Variants in SEC22A observed in about 807,000 individuals in gnomAD.
SEC22A encodes the protein vesicle-trafficking protein SEC22a.
In SEC22A, 22 loss-of-function variants were observed where a neutral mutation model predicts 35.3. The ratio of observed to expected loss-of-function variants is 0.62; its 90% CI spans 0.45 to 0.89. SEC22A has a LOEUF of 0.89. SEC22A is among the 40% of genes least tolerant of loss of function. The probability of loss-of-function intolerance (pLI) is 0.00; values close to 1 mark genes in which losing one functional copy is unlikely to be tolerated. For synonymous variants in SEC22A, 119 were observed against 129.5 expected (o/e 0.92, Z 0.55); for missense variants, 354 against 362.5 (o/e 0.98, Z 0.19).
At chr3:123,212,377 T>C (rs888340003) in intron 2 of SEC22A, among the ~76,000 whole-genome samples, 19 of 152,164 alleles carry the variant, frequency 1.2e-4, no homozygotes, top group South Asian at 2.1e-4. Context: ...ACTTGAAATA[T>C]TTCAATATTT....
At chr3:123,229,559 A>G (rs572265223) in intron 4 of SEC22A, among the ~76,000 whole-genome samples, 3 of 152,386 alleles carry the variant, frequency 2.0e-5, no homozygotes, top group South Asian at 2.1e-4. Context: ...AACACCTTAT[A>G]AGAAATAATA....
At chr3:123,266,774 T>C (rs1938037131) in intron 6 of SEC22A, among the ~76,000 whole-genome samples, 3 of 150,444 alleles carry the variant, frequency 2.0e-5, no homozygotes, top group Non-Finnish European at 1.5e-5. Flanking sequence ...GGGTGTGTTC[T>C]GTAAATGTTT....
chr3:123,231,700 G>A (rs1210176665), intron 4 of SEC22A, among the ~76,000 whole-genome samples: 3 of 152,126 alleles, frequency 2.0e-5, no homozygotes, highest in Non-Finnish European at 4.4e-5. Flanking sequence ...ATTTATCGCT[G>A]TAAATGCCTA....
At chr3:123,210,090 T>TG (rs1936915705) in intron 2 of SEC22A, among the ~76,000 whole-genome samples, 1 of 152,262 alleles carries the variant, frequency 6.6e-6, no homozygotes, top group Admixed American at 6.5e-5. Context: ...GTTTGGAGTC[T>TG]ATTAGTCTGT....
intron 4 of SEC22A, 129 bp from the exon 5 acceptor site, chr3:123,245,770 T>C (rs1937561081): frequency 1.6e-6 from 1 of 608,482 alleles, no homozygotes; most frequent in Non-Finnish European, 3.0e-6. Context: ...ATTGTGAATA[T>C]ATGGTGTTAA....
intron 3 of SEC22A, among the ~76,000 whole-genome samples, chr3:123,224,812 T>C (rs909244902): frequency 6.6e-6 from 1 of 152,146 alleles, no homozygotes. Context: ...TTCAAGACTT[T>C]GGTTTAAAGT....
intron 4 of SEC22A, among the ~76,000 whole-genome samples, chr3:123,231,863 A>G (rs564516410): frequency 7.9e-5 from 12 of 152,336 alleles, no homozygotes; most frequent in African/African-American, 2.9e-4. Context: ...CAGTAGAGAA[A>G]AATCAACAAA....
chr3:123,222,269 G>A (rs1292395698), intron 2 of SEC22A, among the ~76,000 whole-genome samples: 1 of 151,892 alleles, frequency 6.6e-6, no homozygotes, highest in African/African-American at 2.4e-5. Context: ...CGCAATCTCG[G>A]CTCTTTGCAA....
chr3:123,249,511 T>A (rs887453780), intron 5 of SEC22A, among the ~76,000 whole-genome samples: 1 of 151,940 alleles, frequency 6.6e-6, no homozygotes. Flanking sequence ...TACTGTTTTT[T>A]ATCATATATA....
intron 4 of SEC22A, among the ~76,000 whole-genome samples, chr3:123,244,332 T>G (rs1329467140): frequency 6.6e-6 from 1 of 152,208 alleles, no homozygotes; most frequent in Non-Finnish European, 1.5e-5. Context: ...CACAGTGATT[T>G]GGCACAACGC....
chr3:123,268,625 C>T (rs918526516), intron 6 of SEC22A, among the ~76,000 whole-genome samples: 3 of 152,128 alleles, frequency 2.0e-5, no homozygotes, highest in African/African-American at 7.2e-5. Flanking sequence ...CCTTAAAATA[C>T]TTCATGATGT....
chr3:123,258,822 T>C (rs988374014), intron 5 of SEC22A, among the ~76,000 whole-genome samples: 1 of 152,140 alleles, frequency 6.6e-6, no homozygotes, highest in Admixed American at 6.5e-5. Context: ...TTTTACTGTA[T>C]AAAAACATTG....
At chr3:123,269,220 T>TGTTTTA (rs34449858) in intron 6 of SEC22A, among the ~76,000 whole-genome samples, 2 of 150,072 alleles carry the variant, frequency 1.3e-5, no homozygotes, top group Non-Finnish European at 3.0e-5. Context: ...TGTGTGTATA[T>TGTTTTA]ATTACTGGAA....
At chr3:123,268,415 G>A (rs1193492651) in intron 6 of SEC22A, among the ~76,000 whole-genome samples, 3 of 152,068 alleles carry the variant, frequency 2.0e-5, no homozygotes, top group Non-Finnish European at 4.4e-5. Flanking sequence ...TGGCATTCTT[G>A]GATCTCAAGA....
intron 4 of SEC22A, among the ~76,000 whole-genome samples, chr3:123,241,251 T>C (rs533723993): frequency 9.2e-5 from 14 of 152,282 alleles, no homozygotes; most frequent in African/African-American, 3.1e-4. Flanking sequence ...CTTGGAGCCT[T>C]GAAGGATATG....
intron 4 of SEC22A, 30 bp downstream of exon 4, chr3:123,225,327 T>A (rs1006566365): frequency 1.4e-6 from 2 of 1,399,752 alleles, no homozygotes; most frequent in Non-Finnish European, 1.9e-6. Context: ...TATTTTATTT[T>A]AAAAAAATCC....
At chr3:123,254,217 T>TTAA in intron 5 of SEC22A, among the ~76,000 whole-genome samples, 1 of 152,126 alleles carries the variant, frequency 6.6e-6, no homozygotes, top group African/African-American at 2.4e-5. Flanking sequence ...AGACAGGGTC[T>TTAA]CGCTGTGTTG....
At position 123,273,408 on chromosome 3, in the gene SEC22A, A is replaced by G. The variant is rs6438786; in HGVS notation, c.*1686A>G. 41,878 of 152,174 alleles carry G rather than the reference A, an allele frequency of 0.28. 7,189 individuals are homozygous for G. Among genetic ancestry groups the G allele is most frequent in the Non-Finnish European group, 0.4 (26,964 of 67,968 alleles). The allele number at this position is 152,174 out of a possible 1,614,324, so 9.4% of individuals were successfully genotyped here. On this transcript the variant is annotated 3_prime_UTR_variant, in exon 7 of 7. Coordinates refer to ENST00000492595, the MANE Select transcript of SEC22A (RefSeq NM_012430.5). ...GTCTTCTCCTCTAACAAAAGTATGC[A>G]TATTCTGAGAGATACCCCAAGGCAT...
chr3:123,214,841 A>C (rs752025188), intron 2 of SEC22A, among the ~76,000 whole-genome samples: 7 of 152,182 alleles, frequency 4.6e-5, no homozygotes, highest in Non-Finnish European at 8.8e-5. Flanking sequence ...GCAAGAAGTA[A>C]AATTTTTTAG....
Sources: gnomAD v4.1 joint callset for allele counts (sites outside exome capture counted in the v4.1 genomes callset) on GRCh38, gnomAD v4.1.1 for gene constraint, MANE v1.5 for transcripts, NCBI Gene and HGNC (gene_info 2026-07-23, HGNC 2026-07-21) for gene names.